The following ANKRD13B variants were observed in gnomAD, a reference collection of about 807,000 sequenced individuals.
ANKRD13B encodes ankyrin repeat domain 13B.
In ANKRD13B, 33 loss-of-function variants were observed where a neutral mutation model predicts 74.4. The ratio of observed to expected loss-of-function variants is 0.44; its 90% CI spans 0.34 to 0.59. ANKRD13B has a LOEUF of 0.59. ANKRD13B is among the 20% of genes least tolerant of loss of function. The pLI is 0.02. For synonymous variants in ANKRD13B, 341 were observed against 362.9 expected (o/e 0.94, Z 0.68); for missense variants, 676 against 877.9 (o/e 0.77, Z 2.91).
At chr17:29,613,188 G>A in intron 14 of ANKRD13B, 166 bp from the exon 15 acceptor site, 1 of 1,250,778 alleles carries the variant, frequency 8.0e-7, no homozygotes, top group South Asian at 1.6e-5. Flanking sequence ...ACTTGGTAGG[G>A]TCTGGGCTCC....
rs776812471 is a variant in ANKRD13B, at chr17:29,593,708, G to A, written c.87G>A (p.Glu29=). 2.4e-5 allele frequency: 35 copies of A among 1,438,018 alleles called. 1 individual carries two copies. In the South Asian group the frequency reaches 4.7e-4, roughly 19 times the overall value. The allele number at this position is 1,438,018 out of a possible 1,614,324, so 89.1% of individuals were successfully genotyped here. ...TCGTGTGGCACAACCGCCACCGCGA[G>A]CTGGAGAAGGAGGTCCGCGCGGGCC... is the stretch of plus-strand genomic sequence containing the variant. ...HYLVWHNRHR[E]LEKEVRAGQV... The change falls in exon 1 of 15, where the codon GAG becomes GAA. Residue 29 remains glutamate, a synonymous_variant. Transcript: ENST00000394859.
intron 1 of ANKRD13B, among the ~76,000 whole-genome samples, chr17:29,604,554 T>G (rs1369287272): frequency 6.6e-6 from 1 of 151,178 alleles, no homozygotes; most frequent in Non-Finnish European, 1.5e-5. Flanking sequence ...TTTCTTTTTT[T>G]TTTTTGAGAT....
intron 1 of ANKRD13B, among the ~76,000 whole-genome samples, chr17:29,597,209 A>G (rs1318366870): frequency 6.6e-6 from 1 of 152,182 alleles, no homozygotes; most frequent in Non-Finnish European, 1.5e-5. Context: ...TTCCCTTAAC[A>G]AAAGGATTCT....
rs2034696245 is a variant in ANKRD13B at position 29,613,683 on chromosome 17, CTG to C, written c.*102_*103del. 7.3e-6 allele frequency: 10 copies of C among 1,368,144 alleles called. No individual in the cohort carries two copies. Among genetic ancestry groups the C allele is most frequent in the Non-Finnish European group, 9.4e-6 (10 of 1,064,136 alleles). The allele number at this position is 1,368,144 out of a possible 1,614,324, so 84.8% of individuals were successfully genotyped here. ...GCGCCTGCAGAGCGGCGGCTGGAGA[CTG>C]GAGCCACCGCCTCGCGGGTGCAGCA... is the stretch of plus-strand genomic sequence containing the variant. On this transcript the variant is annotated 3_prime_UTR_variant, in exon 15 of 15. Coordinates refer to ENST00000394859, the MANE Select transcript of ANKRD13B (RefSeq NM_152345.5).
At chr17:29,599,978 A>G (rs925407797) in intron 1 of ANKRD13B, among the ~76,000 whole-genome samples, 12 of 140,808 alleles carry the variant, frequency 8.5e-5, no homozygotes, top group Non-Finnish European at 1.2e-4. Context: ...CCGGGTTCAC[A>G]CCATTCTCCT....
intron 14 of ANKRD13B, 87 bp downstream of exon 14, chr17:29,613,050 C>G: frequency 6.7e-7 from 1 of 1,499,208 alleles, no homozygotes; most frequent in Non-Finnish European, 9.0e-7. Context: ...CCGCGGGGCC[C>G]TCGGCAGGGA....
In ANKRD13B at chr17:29,609,465, C is replaced by T. The variant is rs771504698; in HGVS notation, c.822+44C>T. 1.2e-6 allele frequency: 2 copies of T among 1,603,380 alleles called. No individual in the cohort carries two copies. The highest frequency in any genetic ancestry group is 2.2e-5 in the South Asian group (2 of 90,264). ...GCTGCCAGCCCAGCTGCACTCTTGC[C>T]TACAGCAAGCTGTACAGGGGATTCT... On this transcript the variant is annotated intron_variant, in intron 7 of 14. Coordinates refer to ENST00000394859, the MANE Select transcript of ANKRD13B (RefSeq NM_152345.5). The surrounding 1 kb of genome is among the most constrained non-coding windows in gnomAD (Gnocchi z 4.0).
intron 1 of ANKRD13B, among the ~76,000 whole-genome samples, chr17:29,603,398 G>A (rs929059546): frequency 6.6e-6 from 1 of 152,102 alleles, no homozygotes; most frequent in Non-Finnish European, 1.5e-5. Context: ...TTGCCACCAT[G>A]CCCAGCTAAT....
chr17:29,613,024 G>T, intron 14 of ANKRD13B, 61 bp downstream of exon 14: 1 of 1,553,468 alleles, frequency 6.4e-7, no homozygotes, highest in Non-Finnish European at 8.7e-7. Context: ...CCTAAGCCAG[G>T]ACACAGCCGG....
chr17:29,613,224 G>A, intron 14 of ANKRD13B, 130 bp from the exon 15 acceptor site: 1 of 1,374,274 alleles, frequency 7.3e-7, no homozygotes, highest in Non-Finnish European at 9.5e-7. Context: ...GGGCCAGGAC[G>A]CCGCGGGACT....
At chr17:29,599,720 A>G (rs868792511) in intron 1 of ANKRD13B, among the ~76,000 whole-genome samples, 9 of 152,232 alleles carry the variant, frequency 5.9e-5, no homozygotes, top group African/African-American at 2.2e-4. Flanking sequence ...GACGTCATGG[A>G]AAGCCAGGCT....
At position 29,608,696 on chromosome 17, in the gene ANKRD13B, A is replaced by G; in HGVS notation, c.422-155A>G. 9.2e-7 allele frequency: 1 copy of G among 1,091,230 alleles called. No homozygotes were observed. The highest frequency in any genetic ancestry group is 1.3e-6 in the Non-Finnish European group (1 of 774,502). 67.6% of individuals were successfully genotyped at this position (1,091,230 alleles called of 1,614,324 possible). ...GCTCTTCTGTGTGAGTATGGTCTAC[A>G]CTGGCCAGGGAGGGGGTTTTGGAGG... On this transcript the variant is annotated intron_variant, in intron 4 of 14. Transcript: ENST00000394859. This position sits in a 1 kb window ranked among gnomAD's most constrained non-coding sequence, Gnocchi z 6.4.
In ANKRD13B at chr17:29,612,717, G is replaced by T; in HGVS notation, c.1477G>T (p.Gly493Cys). 6.2e-7 allele frequency: 1 copy of T among 1,600,156 alleles called. No individual in the cohort carries two copies. Among genetic ancestry groups the T allele is most frequent in the Non-Finnish European group, 8.5e-7 (1 of 1,178,304 alleles). The stretch of plus-strand genomic sequence containing the variant: ...GGCCCCGCGCGGCTACAGCATGATG[G>T]GCGGCCAGCGGGAGGCGGCGACCCG... The part of the protein sequence containing the change: ...FEAPRGYSMM[G>C]GQREAATRDD... Residue 493 changes from glycine (G) to cysteine (C), a missense_variant, in exon 13 of 15, where the codon GGC (glycine) becomes TGC (cysteine). Around this residue, in one of 4 missense-constraint regions of ANKRD13B, gnomAD observed 152 missense variants for 181.4 expected, o/e 0.84. Coordinates refer to ENST00000394859, the MANE Select transcript of ANKRD13B (RefSeq NM_152345.5). This position sits in a 1 kb window ranked among gnomAD's most constrained non-coding sequence, Gnocchi z 6.1.
intron 1 of ANKRD13B, among the ~76,000 whole-genome samples, chr17:29,599,023 G>A (rs1402494994): frequency 1.3e-5 from 2 of 152,162 alleles, no homozygotes; most frequent in Non-Finnish European, 2.9e-5. Context: ...GCTTCTGTTC[G>A]AGGTGCAGGA....
Position 29,613,412 on chromosome 17 carries a change from C to A in ANKRD13B, c.1711C>A (p.Arg571=). ...GCCCCCGGCGTCAGTGCCCAGCCCT[C>A]GGCCCAGCTCAGGGCCAGGTTCCGG... ...PAPPASVPSP[R]PSSGPGSGGH... Residue 571 remains arginine (R), a synonymous_variant, in exon 15 of 15, where the codon CGG becomes AGG. Transcript: ENST00000394859. The A allele has an allele frequency of 6.6e-7, 1 of 1,512,878 alleles. No homozygotes were observed. Among genetic ancestry groups the A allele is most frequent in the Non-Finnish European group, 8.8e-7 (1 of 1,134,946 alleles). The allele number at this position is 1,512,878 out of a possible 1,614,324, so 93.7% of individuals were successfully genotyped here. A position where few individuals can be genotyped will look rare whatever the true frequency, so the allele number is the denominator to read the frequency against.
Position 29,613,912 on chromosome 17 carries a change from C to A in ANKRD13B, c.*330C>A, listed in dbSNP as rs1334775059. 1 of 327,110 alleles carries A rather than the reference C, an allele frequency of 3.1e-6. No individual in the cohort carries two copies. The highest frequency in any genetic ancestry group is 2.1e-5 in the African/African-American group (1 of 46,632). 20.3% of individuals were successfully genotyped at this position (327,110 alleles called of 1,614,324 possible). ...AGGGGGAGATGAATCCTTAGAGGAG[C>A]GCTGTCCCTATCCCTTGCTCCTTCT... On this transcript the variant is annotated 3_prime_UTR_variant, in exon 15 of 15. Coordinates refer to ENST00000394859, the MANE Select transcript of ANKRD13B (RefSeq NM_152345.5).
intron 1 of ANKRD13B, among the ~76,000 whole-genome samples, chr17:29,605,058 T>A (rs78169718): frequency 6.6e-6 from 1 of 152,216 alleles, no homozygotes; most frequent in African/African-American, 2.4e-5. Context: ...AGTTTCACTA[T>A]ACACATGTGA....
chr17:29,595,664 A>G (rs189667363), intron 1 of ANKRD13B, among the ~76,000 whole-genome samples: 282 of 152,218 alleles, frequency 1.9e-3, no homozygotes, highest in South Asian at 4.2e-3. Context: ...ACAAGGTCCC[A>G]GATTCACCCC....
chr17:29,608,279 C>T lies in ANKRD13B; in HGVS notation c.421+39C>T. 1 of 1,613,156 alleles carries T rather than the reference C, an allele frequency of 6.2e-7. No homozygotes were observed. Among genetic ancestry groups the T allele is most frequent in the South Asian group, 1.1e-5 (1 of 90,980 alleles). ...AGCAGGTCGCTTCTGGGCTCTCCCA[C>T]TTTAGGTCCTGCGCTTGCTCCCCTG... On this transcript the variant is annotated intron_variant, in intron 4 of 14. Transcript: ENST00000394859. This position sits in a 1 kb window ranked among gnomAD's most constrained non-coding sequence, Gnocchi z 6.4.
Sources: allele counts gnomAD v4.1 joint callset (sites outside exome capture counted in the v4.1 genomes callset), GRCh38; gene constraint gnomAD v4.1.1; regional missense constraint gnomAD v4.1.1; non-coding constraint Gnocchi (gnomAD v3.1); transcripts MANE v1.5; gene names NCBI Gene and HGNC (gene_info 2026-07-23, HGNC 2026-07-21).